The following MYH11 variants were observed in gnomAD, a reference collection of about 807,000 sequenced individuals.
MYH11 encodes myosin-11.
A neutral mutation model predicts 246.6 loss-of-function variants in MYH11; 80 were observed. The observed-to-expected ratio is 0.32, with a 90% CI of 0.27 to 0.39. The LOEUF is 0.39. MYH11 is among the 10% of genes least tolerant of loss of function. The pLI, the probability that MYH11 is intolerant of heterozygous loss-of-function variation, is 1.00. For synonymous variants in MYH11, 1,071 were observed against 1,015.5 expected, an observed-to-expected ratio of 1.05 and a Z score of -1.04; for missense variants, 2,158 against 2,546.8, an observed-to-expected ratio of 0.85 and a Z score of 3.29.
chr16:15,783,826 G>A (rs1453097268), intron 5 of MYH11, among the ~76,000 whole-genome samples: 3 of 152,104 alleles, frequency 2.0e-5, no homozygotes, highest in African/African-American at 7.2e-5. Flanking sequence ...CCATAGCCCC[G>A]AGGAGTTAAC....
At chr16:15,827,256 G>GA (rs1406143436) in intron 2 of MYH11, among the ~76,000 whole-genome samples, 1 of 152,144 alleles carries the variant, frequency 6.6e-6, no homozygotes, top group Non-Finnish European at 1.5e-5. Flanking sequence ...AGAATGATAG[G>GA]AACAAGGAAG....
At chr16:15,706,677 AG>A (rs1375434941) in intron 40 of MYH11, among the ~76,000 whole-genome samples, 1 of 151,942 alleles carries the variant, frequency 6.6e-6, no homozygotes, top group Non-Finnish European at 1.5e-5. Flanking sequence ...ACTGCACTCC[AG>A]CCTGGGAAAC....
intron 40 of MYH11, chr16:15,713,602 C>G (rs1053295955): frequency 6.6e-6 from 1 of 151,914 alleles, no homozygotes; most frequent in Non-Finnish European, 1.5e-5. Context: ...CTCCACTGAT[C>G]GTCCCACCTC....
intron 13 of MYH11, among the ~76,000 whole-genome samples, chr16:15,756,979 T>G (rs2151273628): frequency 6.6e-6 from 1 of 151,182 alleles, no homozygotes; most frequent in South Asian, 2.1e-4. Context: ...TTTCTATTTT[T>G]AGTAGAGGCG....
intron 30 of MYH11, 23 bp downstream of exon 30, chr16:15,724,624 A>C: frequency 1.2e-6 from 2 of 1,613,540 alleles, no homozygotes; most frequent in South Asian, 2.2e-5. Flanking sequence ...CCCATGAAGG[A>C]AGCAAGGACA....
chr16:15,808,849 T>C (rs2043073869), intron 3 of MYH11, among the ~76,000 whole-genome samples: 1 of 152,156 alleles, frequency 6.6e-6, no homozygotes, highest in Admixed American at 6.5e-5. Context: ...GCTATTATTG[T>C]GCCACTGCGC....
At chr16:15,822,874 G>A (rs1303923449) in intron 3 of MYH11, among the ~76,000 whole-genome samples, 1 of 152,250 alleles carries the variant, frequency 6.6e-6, no homozygotes, top group Non-Finnish European at 1.5e-5. Flanking sequence ...GGCTGAAGAG[G>A]AAAAGATATT....
rs753233348 is a variant in MYH11 at position 15,776,101 on chromosome 16, G to A, written c.866C>T (p.Ala289Val). ...ACTTCTCATCTTCTCCTTGGCTCCA[G>A]CAATCATGTAGTAAAAGATGTGGAA... is the stretch of plus-strand genomic sequence containing the variant. ...RTFHIFYYMI[A>V]GAKEKMRSDL... The change falls in exon 8 of 41, where the codon GCT (alanine) becomes GTT (valine). Residue 289 changes from alanine to valine, a missense_variant. Ala to Val is a moderately conservative substitution (Grantham distance 64, BLOSUM62 0). This residue lies in a region of MYH11 where 123 missense variants were observed against 207.1 expected (regional missense o/e 0.59). Coordinates refer to ENST00000300036, the MANE Select transcript of MYH11 (RefSeq NM_002474.3). 1 of 1,613,610 alleles carries A rather than the reference G, an allele frequency of 6.2e-7. No homozygotes were observed.
intron 2 of MYH11, among the ~76,000 whole-genome samples, chr16:15,829,052 C>T (rs547746688): frequency 2.6e-5 from 4 of 151,678 alleles, no homozygotes; most frequent in South Asian, 2.1e-4. Context: ...GGTGTGGTGG[C>T]GCATGCCTGT....
Position 15,745,226 on chromosome 16 carries a change from T to C in MYH11, c.2423A>G (p.Lys808Arg). 6.2e-7 allele frequency: 1 copy of C among 1,610,220 alleles called. No individual in the cohort carries two copies. Residue 808 changes from lysine (K) to arginine (R), a missense_variant, in exon 20 of 41, where the codon AAG becomes AGG. Around this residue, in one of 11 missense-constraint regions of MYH11, gnomAD observed 90 missense variants for 144.2 expected, o/e 0.62. Coordinates refer to ENST00000300036, the MANE Select transcript of MYH11 (RefSeq NM_002474.3). Reference protein sequence around the residue: ...RGYLARKAFAKRQQQLTAMKV... With the variant: ...RGYLARKAFARRQQQLTAMKV... ...CATGGCGGTCAGCTGCTGCTGCCTC[T>C]TGGCAAAAGCCCTAGGGAGGGGGGA...
intron 10 of MYH11, among the ~76,000 whole-genome samples, chr16:15,761,921 C>T (rs1381914211): frequency 6.6e-6 from 1 of 152,232 alleles, no homozygotes; most frequent in Non-Finnish European, 1.5e-5. Flanking sequence ...CCAAGCTCCA[C>T]TGAACCATTT....
chr16:15,727,207 A>T (rs529612112), intron 27 of MYH11, among the ~76,000 whole-genome samples, 153 bp from the exon 28 acceptor site: 2 of 147,450 alleles, frequency 1.4e-5, no homozygotes, highest in South Asian at 2.2e-4. Context: ...TTTTGTTGTT[A>T]TTTTTTTTTT....
chr16:15,748,276 C>G (rs1282953156), intron 16 of MYH11, 108 bp from the exon 17 acceptor site: 4 of 1,549,954 alleles, frequency 2.6e-6, no homozygotes, highest in Admixed American at 1.8e-5. Context: ...ATGAGGGTAC[C>G]AACAGAAGCA....
intron 29 of MYH11, 28 bp downstream of exon 29, chr16:15,724,860 C>G: frequency 6.2e-7 from 1 of 1,613,792 alleles, no homozygotes; most frequent in South Asian, 1.1e-5. Context: ...CCCCCCAGGT[C>G]CCCTGGATGA....
chr16:15,721,862 GTGTT>G (rs766993620), intron 31 of MYH11, among the ~76,000 whole-genome samples: 11 of 152,072 alleles, frequency 7.2e-5, no homozygotes, highest in East Asian at 1.9e-4. Context: ...GTTGGTTTGT[GTGTT>G]TGTTTGTTTT....
intron 31 of MYH11, 33 bp downstream of exon 31, chr16:15,724,128 T>C: frequency 1.2e-6 from 2 of 1,611,716 alleles, no homozygotes; most frequent in Non-Finnish European, 8.5e-7. Flanking sequence ...CCAGCGTCCA[T>C]GGCCAGAGTG....
intron 2 of MYH11, among the ~76,000 whole-genome samples, chr16:15,837,432 T>C (rs566536260): frequency 1.2e-4 from 19 of 152,296 alleles, no homozygotes; most frequent in African/African-American, 4.3e-4. Context: ...AACCAAGGCT[T>C]CGAGAGAGGA....
intron 40 of MYH11, among the ~76,000 whole-genome samples, 163 bp from the exon 41 acceptor site, chr16:15,704,286 T>G (rs2039335758): frequency 6.6e-6 from 1 of 152,168 alleles, no homozygotes; most frequent in African/African-American, 2.4e-5. Context: ...GATATTCAAG[T>G]TGAAGTCAAC....
At chr16:15,818,224 C>G (rs1210723089) in intron 3 of MYH11, among the ~76,000 whole-genome samples, 1 of 152,094 alleles carries the variant, frequency 6.6e-6, no homozygotes. Flanking sequence ...CTCTCTCCAC[C>G]TTCATGGTAA....
Sources: allele counts gnomAD v4.1 joint callset (sites outside exome capture counted in the v4.1 genomes callset), GRCh38; gene constraint gnomAD v4.1.1; regional missense constraint gnomAD v4.1.1; transcripts MANE v1.5; gene names NCBI Gene and HGNC (gene_info 2026-07-23, HGNC 2026-07-21).